Variants in PRR16 observed in about 807,000 individuals in gnomAD.
PRR16 encodes the protein proline rich 16, also known as protein Largen.
PRR16 carries 6 observed loss-of-function variants against 18.2 expected under a neutral mutation model. The observed-to-expected ratio is 0.33, with a 90% CI of 0.18 to 0.65. PRR16 has a LOEUF of 0.65. Among genes scored for constraint, PRR16 ranks in the 30% least tolerant of loss-of-function variants. The pLI is 0.74. For missense variants in PRR16, 412 were observed against 376.6 expected (o/e 1.09, Z -0.78); for synonymous variants, 151 against 147.8 (o/e 1.02, Z -0.16).
intron 1 of PRR16, among the ~76,000 whole-genome samples, chr5:120,676,199 A>C (rs921990836): frequency 6.6e-6 from 1 of 152,168 alleles, no homozygotes; most frequent in African/African-American, 2.4e-5. Flanking sequence ...ATTTTGTAGA[A>C]GAACCATATC....
chr5:120,712,414 A>G, the PRR16 span, among the ~76,000 whole-genome samples: 2 of 152,074 alleles, frequency 1.3e-5, no homozygotes, highest in Non-Finnish European at 2.9e-5. Flanking sequence ...TACTGTTTCT[A>G]TGTATTTGAC....
At chr5:120,603,260 G>C (rs550456379) in intron 1 of PRR16, among the ~76,000 whole-genome samples, 1 of 152,160 alleles carries the variant, frequency 6.6e-6, no homozygotes, top group Non-Finnish European at 1.5e-5. Context: ...GTCTGTTCAA[G>C]ATATGAGTTT....
At chr5:120,622,592 C>T (rs996369788) in intron 1 of PRR16, among the ~76,000 whole-genome samples, 1 of 152,064 alleles carries the variant, frequency 6.6e-6, no homozygotes, top group African/African-American at 2.4e-5. Flanking sequence ...GATTCTCCTG[C>T]CTTAGCCTCC....
intron 1 of PRR16, among the ~76,000 whole-genome samples, chr5:120,662,335 T>G (rs528457210): frequency 9.2e-5 from 14 of 152,252 alleles, no homozygotes; most frequent in African/African-American, 3.1e-4. Flanking sequence ...CCTTCTGTAG[T>G]CACAGTGATT....
intron 1 of PRR16, among the ~76,000 whole-genome samples, chr5:120,477,780 G>T (rs780786112): frequency 1.3e-5 from 2 of 151,944 alleles, no homozygotes; most frequent in Non-Finnish European, 2.9e-5. Context: ...TTTCTCTGTG[G>T]CTCTCCTTAC....
At chr5:120,745,685 A>ATTAT in the PRR16 span, among the ~76,000 whole-genome samples, 67 of 150,674 alleles carry the variant, frequency 4.4e-4, no homozygotes, top group Middle Eastern at 3.4e-3. Context: ...TATTTATTTT[A>ATTAT]TTATTTATTT....
At chr5:120,666,381 A>G (rs199629650) in intron 1 of PRR16, among the ~76,000 whole-genome samples, 13,401 of 151,360 alleles carry the variant, frequency 0.089, 1,573 homozygotes, top group East Asian at 0.67. Flanking sequence ...GGTTTTCTAG[A>G]TATACAATCA....
rs762062277 is a variant in PRR16 at position 120,464,648 on chromosome 5, G to C, written c.159+3G>C. ...ACGTGGCCAAGGAACTTAAGGAGGT[G>C]AGAGGCGCAGGGGTGGGGAGGGAGT... On this transcript the variant is annotated splice_donor_region_variant and intron_variant, in intron 1 of 1. Coordinates refer to ENST00000407149, the MANE Select transcript of PRR16 (RefSeq NM_001300783.2). 26 of 1,555,308 alleles carry C rather than the reference G, an allele frequency of 1.7e-5. No individual in the cohort carries two copies. In the South Asian group the frequency reaches 2.8e-4, roughly 17 times the overall value.
intron 1 of PRR16, among the ~76,000 whole-genome samples, chr5:120,484,835 T>C (rs776340787): frequency 1.3e-5 from 2 of 151,202 alleles, no homozygotes; most frequent in African/African-American, 2.4e-5. Flanking sequence ...GATGATGGAA[T>C]AATTAGGAAG....
chr5:120,689,283 A>G (rs1344272517), downstream of PRR16, among the ~76,000 whole-genome samples: 3 of 152,304 alleles, frequency 2.0e-5, no homozygotes, highest in East Asian at 5.8e-4. Context: ...GAACTTAGTT[A>G]TATTTTTGCA....
rs114671124 is a variant in PRR16 at position 120,635,577 on chromosome 5, A to G, written c.160-50377A>G. Among the ~76,000 whole-genome samples, 1,276 of 152,220 alleles carry G rather than the reference A, an allele frequency of 8.4e-3. 7 individuals carry two copies. The highest frequency in any genetic ancestry group is 0.028 in the South Asian group (134 of 4,818). ...GTGACAAAATCCAGCATCCCTTTAT[A>G]ATTAAAAATCTTAGCAAAATTGGCA... On this transcript the variant is annotated intron_variant, in intron 1 of 1. Transcript: ENST00000407149.
intron 1 of PRR16, among the ~76,000 whole-genome samples, chr5:120,528,294 A>G (rs569469488): frequency 1.3e-4 from 20 of 152,326 alleles, no homozygotes; most frequent in Admixed American, 9.8e-4. Flanking sequence ...AGGAAGACAC[A>G]GAGCAATAGT....
At chr5:120,673,470 T>C (rs941879877) in intron 1 of PRR16, among the ~76,000 whole-genome samples, 19 of 152,262 alleles carry the variant, frequency 1.2e-4, no homozygotes, top group South Asian at 6.2e-4. Context: ...TTAAAATTTT[T>C]ACATCATTTA....
At chr5:120,580,517 C>T (rs554947372) in intron 1 of PRR16, among the ~76,000 whole-genome samples, 8 of 143,088 alleles carry the variant, frequency 5.6e-5, no homozygotes, top group East Asian at 4.1e-4. Flanking sequence ...TGCAGTGGTG[C>T]GATCTCGGCT....
chr5:120,577,740 A>T (rs1056314103), intron 1 of PRR16, among the ~76,000 whole-genome samples: 1 of 152,214 alleles, frequency 6.6e-6, no homozygotes, highest in African/African-American at 2.4e-5. Context: ...ATAGTAACAG[A>T]TCTCATTTAT....
the PRR16 span, among the ~76,000 whole-genome samples, chr5:120,718,645 C>T: frequency 4.6e-5 from 7 of 151,904 alleles, no homozygotes; most frequent in East Asian, 1.9e-4. Flanking sequence ...AACTACAATA[C>T]GTAGTTACAA....
the PRR16 span, among the ~76,000 whole-genome samples, chr5:120,786,657 C>CA: frequency 6.7e-6 from 1 of 149,742 alleles, no homozygotes; most frequent in Non-Finnish European, 1.5e-5. Flanking sequence ...AAAATTTTAC[C>CA]AAAATGCAAA....
At chr5:120,699,421 A>C in the PRR16 span, among the ~76,000 whole-genome samples, 1 of 152,124 alleles carries the variant, frequency 6.6e-6, no homozygotes. Flanking sequence ...GATCAGAGAG[A>C]TACAGTCATG....
At chr5:120,489,754 T>G (rs1749955894) in intron 1 of PRR16, among the ~76,000 whole-genome samples, 1 of 152,176 alleles carries the variant, frequency 6.6e-6, no homozygotes, top group African/African-American at 2.4e-5. Context: ...GCCTCGATGG[T>G]CTTTACAATT....
Sources: gnomAD v4.1 joint callset for allele counts (sites outside exome capture counted in the v4.1 genomes callset) on GRCh38, gnomAD v4.1.1 for gene constraint, MANE v1.5 for transcripts, NCBI Gene and HGNC (gene_info 2026-07-23, HGNC 2026-07-21) for gene names.